The following CYP2C19 variants were observed in gnomAD, a reference collection of about 807,000 sequenced individuals.
CYP2C19 encodes cytochrome P450 2C19.
In CYP2C19, 59 loss-of-function variants were observed where a neutral mutation model predicts 40.9. That is an observed-to-expected ratio of 1.44 (90% CI 1.17 to 1.79). The LOEUF (loss-of-function observed/expected upper bound fraction) is 1.79. Among genes scored for constraint, CYP2C19 ranks in the 40% most tolerant of loss-of-function variants. CYP2C19 has a pLI of 0.00. For missense variants in CYP2C19, 754 were observed against 596.9 expected (o/e 1.26, Z -2.74); for synonymous variants, 253 against 208.7 (o/e 1.21, Z -1.83).
At chr10:94,852,091 T>A (rs566219207) in intron 8 of CYP2C19, among the ~76,000 whole-genome samples, 1 of 152,242 alleles carries the variant, frequency 6.6e-6, no homozygotes, top group East Asian at 1.9e-4. Flanking sequence ...TGATGATGAG[T>A]GGCTATGCCT....
intron 5 of CYP2C19, among the ~76,000 whole-genome samples, chr10:94,814,177 T>G (rs1051701596): frequency 3.3e-5 from 5 of 151,340 alleles, no homozygotes; most frequent in Admixed American, 6.6e-5. Context: ...AGAAATCACC[T>G]ACCTTCTTCA....
intron 1 of CYP2C19, chr10:94,774,584 T>C (rs971169138): frequency 5.1e-5 from 9 of 177,280 alleles, no homozygotes; most frequent in Non-Finnish European, 8.4e-5. Context: ...CTATGATGCA[T>C]GCTAATCATA....
intron 7 of CYP2C19, among the ~76,000 whole-genome samples, chr10:94,846,134 C>G (rs1317107095): frequency 1.3e-5 from 2 of 152,088 alleles, no homozygotes; most frequent in African/African-American, 4.8e-5. Flanking sequence ...AATTCACTCT[C>G]CAGTCAAGAA....
At chr10:94,764,016 G>A (rs1293947614) in intron 1 of CYP2C19, among the ~76,000 whole-genome samples, 1 of 152,118 alleles carries the variant, frequency 6.6e-6, no homozygotes, top group African/African-American at 2.4e-5. Flanking sequence ...CATGTCTGGA[G>A]TTGTTCATTC....
intron 5 of CYP2C19, among the ~76,000 whole-genome samples, chr10:94,782,433 T>G (rs550607125): frequency 6.6e-6 from 1 of 152,212 alleles, no homozygotes; most frequent in East Asian, 1.9e-4. Flanking sequence ...CCAGTTAGAA[T>G]GGCGATCATT....
At position 94,780,542 on chromosome 10, in the gene CYP2C19, C is replaced by A. The variant is rs1848465707; in HGVS notation, c.525C>A (p.Cys175Ter). The A allele has an allele frequency of 6.2e-7, 1 of 1,613,878 alleles. No individual in the cohort carries two copies. Among genetic ancestry groups the A allele is most frequent in the Non-Finnish European group, 8.5e-7 (1 of 1,179,924 alleles). ...CTTTCATCCTGGGCTGTGCTCCCTGCAATGTGATCTGCTCCATTATTTTCC... is the reference window on the plus strand; with the variant it reads ...CTTTCATCCTGGGCTGTGCTCCCTGAAATGTGATCTGCTCCATTATTTTCC... ...DPTFILGCAPCNVICSIIFQK... is the reference protein window; with the variant it reads ...DPTFILGCAP The change falls in exon 4 of 9, where the codon TGC (cysteine) becomes TGA (stop). Residue 175 changes from cysteine (C) to a stop codon, truncating the protein, a stop_gained. Coordinates refer to ENST00000371321, the MANE Select transcript of CYP2C19 (RefSeq NM_000769.4). LOFTEE classifies it high-confidence loss of function.
chr10:94,775,431 C>A lies in CYP2C19; in HGVS notation c.373C>A (p.Arg125Ser). The A allele has an allele frequency of 1.2e-6, 2 of 1,614,032 alleles. No individual in the cohort carries two copies. Among genetic ancestry groups the A allele is most frequent in the South Asian group, 1.1e-5 (1 of 91,058 alleles). ...TGGAAAGAGATGGAAGGAGATCCGG[C>A]GTTTCTCCCTCATGACGCTGCGGAA... is the stretch of plus-strand genomic sequence containing the variant. Reference protein sequence around the residue: ...SNGKRWKEIRRFSLMTLRNFG... With the variant: ...SNGKRWKEIRSFSLMTLRNFG... Residue 125 changes from arginine to serine, a missense_variant, in exon 3 of 9, where the codon CGT (arginine) becomes AGT (serine). Transcript: ENST00000371321.
At chr10:94,829,475 G>A (rs185332528) in intron 6 of CYP2C19, among the ~76,000 whole-genome samples, 4 of 152,042 alleles carry the variant, frequency 2.6e-5, no homozygotes, top group South Asian at 4.2e-4. Flanking sequence ...CATTCTTCAC[G>A]TAGTTCTCGA....
chr10:94,766,514 T>C (rs775194179), intron 1 of CYP2C19, among the ~76,000 whole-genome samples: 9 of 151,874 alleles, frequency 5.9e-5, no homozygotes, highest in Non-Finnish European at 1.0e-4. Flanking sequence ...TTGCAAAGAG[T>C]ATGGTTAATA....
At chr10:94,842,693 T>C in intron 6 of CYP2C19, 144 bp from the exon 7 acceptor site, 1 of 950,178 alleles carries the variant, frequency 1.1e-6, no homozygotes, top group Non-Finnish European at 1.6e-6. Context: ...AGTCCTCTCT[T>C]TAAGTTACAC....
At chr10:94,769,693 C>T (rs1286697559) in intron 1 of CYP2C19, among the ~76,000 whole-genome samples, 1 of 152,058 alleles carries the variant, frequency 6.6e-6, no homozygotes, top group Non-Finnish European at 1.5e-5. Flanking sequence ...TCCTGTAATC[C>T]TTCATGAGCT....
In CYP2C19 at chr10:94,775,373, G is replaced by A. The variant is rs758810954; in HGVS notation, c.332-17G>A. On this transcript the variant is annotated splice_polypyrimidine_tract_variant and intron_variant, in intron 2 of 8. Coordinates refer to ENST00000371321, the MANE Select transcript of CYP2C19 (RefSeq NM_000769.4). ...TGCCTGGGATCTCCCTCCTAGTTTC[G>A]TTTCTCTTCCTGTTAGGAATCGTTT... 51 of 1,613,458 alleles carry A rather than the reference G, an allele frequency of 3.2e-5. No homozygotes were observed. The highest frequency in any genetic ancestry group is 5.3e-5 in the African/African-American group (4 of 74,892).
intron 6 of CYP2C19, among the ~76,000 whole-genome samples, chr10:94,829,398 C>T (rs1849290415): frequency 2.0e-5 from 3 of 152,014 alleles, no homozygotes; most frequent in Admixed American, 6.6e-5. Context: ...TCCCTTCTCG[C>T]TACATTTCAT....
intron 5 of CYP2C19, among the ~76,000 whole-genome samples, chr10:94,802,699 TG>T (rs754113628): frequency 6.6e-6 from 1 of 152,046 alleles, no homozygotes; most frequent in Non-Finnish European, 1.5e-5. Flanking sequence ...TACAATTTGG[TG>T]TGTTTTTGCA....
At chr10:94,828,446 T>C (rs946021569) in intron 6 of CYP2C19, among the ~76,000 whole-genome samples, 32 of 148,694 alleles carry the variant, frequency 2.2e-4, no homozygotes, top group African/African-American at 3.5e-4. Context: ...TTGATCTTTG[T>C]TGGTTTAAAG....
intron 1 of CYP2C19, among the ~76,000 whole-genome samples, chr10:94,765,744 T>C (rs1848231651): frequency 6.6e-6 from 1 of 151,972 alleles, no homozygotes; most frequent in African/African-American, 2.4e-5. Flanking sequence ...GAGGTGATGA[T>C]ATTTTGGGGC....
intron 5 of CYP2C19, among the ~76,000 whole-genome samples, chr10:94,790,621 G>T (rs896881768): frequency 4.4e-4 from 67 of 152,078 alleles, no homozygotes; most frequent in African/African-American, 1.4e-3. Flanking sequence ...TTTTGTCTTT[G>T]GTTCTGTTTA....
intron 5 of CYP2C19, among the ~76,000 whole-genome samples, chr10:94,798,032 A>G (rs966124090): frequency 6.6e-6 from 1 of 151,976 alleles, no homozygotes; most frequent in Non-Finnish European, 1.5e-5. Flanking sequence ...GCCTTCTGCT[A>G]GCTTTGGAAT....
chr10:94,792,297 G>C (rs1246698945), intron 5 of CYP2C19, among the ~76,000 whole-genome samples: 1 of 152,062 alleles, frequency 6.6e-6, no homozygotes, highest in Non-Finnish European at 1.5e-5. Flanking sequence ...ACACTGATGG[G>C]TCTTGACTCT....
Sources: allele counts gnomAD v4.1 joint callset (sites outside exome capture counted in the v4.1 genomes callset), GRCh38; gene constraint gnomAD v4.1.1; transcripts MANE v1.5; gene names NCBI Gene and HGNC (gene_info 2026-07-23, HGNC 2026-07-21).